PHTF2: variants seen among roughly 807,000 people sequenced by gnomAD.
The protein encoded by PHTF2 is putative homeodomain transcription factor 2, also known as protein PHTF2.
PHTF2 carries 60 observed loss-of-function variants against 101.2 expected under a neutral mutation model. The ratio of observed to expected loss-of-function variants is 0.59; its 90% CI spans 0.48 to 0.73. The LOEUF is 0.73. PHTF2 is among the 30% of genes least tolerant of loss of function. PHTF2 has a pLI of 0.00. For missense variants in PHTF2, 747 were observed against 908.7 expected (o/e 0.82, Z 2.29); for synonymous variants, 311 against 307.3 (o/e 1.01, Z -0.13).
intron 12 of PHTF2, 71 bp from the exon 12 acceptor site, chr7:77,937,639 C>T (rs990161599): frequency 3.8e-6 from 2 of 520,204 alleles, no homozygotes; most frequent in Admixed American, 8.5e-5. Context: ...GATATATATA[C>T]AACTTTATAT....
intron 12 of PHTF2, among the ~76,000 whole-genome samples, chr7:77,932,985 T>C (rs1804745732): frequency 6.6e-6 from 1 of 152,128 alleles, no homozygotes. Context: ...ACGCCTGTAA[T>C]CCCAGCACTT....
rs776039436 is a variant in PHTF2, at chr7:77,949,853, A to G, written c.2115+20A>G. 4.8e-6 allele frequency: 6 copies of G among 1,257,336 alleles called. No homozygotes were observed. The South Asian group carries it at 7.0e-5, about 15-fold the overall frequency. The allele number at this position is 1,257,336 out of a possible 1,614,324, so 77.9% of individuals were successfully genotyped here. ...GAACAGGTGAGTGTGCCTACTTATT[A>G]TGCTACAAATTAATGTCTATAAGTT... On this transcript the variant is annotated intron_variant, in intron 17 of 19. Transcript: ENST00000416283.
chr7:77,909,169 C>CTT (rs200836381), intron 8 of PHTF2: 3,224 of 317,002 alleles, frequency 0.01, 12 homozygotes, highest in South Asian at 0.012. Context: ...GTTTTTGTTT[C>CTT]TTTTTTTTTT....
At chr7:77,941,884 C>A (rs933682484) in intron 15 of PHTF2, among the ~76,000 whole-genome samples, 3 of 152,156 alleles carry the variant, frequency 2.0e-5, no homozygotes, top group African/African-American at 7.2e-5. Context: ...GGAGGTTCTT[C>A]ATTTCTCTTA....
intron 1 of PHTF2, among the ~76,000 whole-genome samples, chr7:77,827,630 G>C (rs1456068328): frequency 6.6e-6 from 1 of 152,088 alleles, no homozygotes; most frequent in Admixed American, 6.6e-5. Context: ...GGGATTACAG[G>C]TGTGAGCCAC....
At chr7:77,907,977 G>A (rs1419210232) in intron 7 of PHTF2, 1 of 152,044 alleles carries the variant, frequency 6.6e-6, no homozygotes, top group Admixed American at 6.5e-5. Flanking sequence ...TCTAGGTGGT[G>A]GCTAAGGTGG....
chr7:77,907,744 C>G (rs1211038632), intron 7 of PHTF2: 2 of 152,100 alleles, frequency 1.3e-5, no homozygotes, highest in Admixed American at 1.3e-4. Context: ...ACATTTTACC[C>G]CTGAATACAT....
At chr7:77,841,719 TATTA>T (rs1270065460) in intron 2 of PHTF2, among the ~76,000 whole-genome samples, 2 of 152,246 alleles carry the variant, frequency 1.3e-5, no homozygotes, top group East Asian at 1.9e-4. Context: ...ATTGATATAC[TATTA>T]ATTGTCTTTT....
chr7:77,946,127 T>A (rs1343089829), intron 16 of PHTF2, among the ~76,000 whole-genome samples: 1 of 152,170 alleles, frequency 6.6e-6, no homozygotes, highest in Non-Finnish European at 1.5e-5. Flanking sequence ...ACTATGATAG[T>A]TTGTGCCTGG....
chr7:77,844,526 T>C (rs1796123508), intron 2 of PHTF2, among the ~76,000 whole-genome samples: 1 of 152,216 alleles, frequency 6.6e-6, no homozygotes, highest in African/African-American at 2.4e-5. Context: ...AGTTATTCTT[T>C]TGTTTTGTTT....
chr7:77,936,456 C>T (rs370751509), intron 12 of PHTF2, among the ~76,000 whole-genome samples: 1 of 152,034 alleles, frequency 6.6e-6, no homozygotes, highest in African/African-American at 2.4e-5. Flanking sequence ...GTGGGCAGAT[C>T]ACAAGTTCAG....
chr7:77,910,843 A>G (rs543091404), intron 9 of PHTF2, among the ~76,000 whole-genome samples: 1 of 152,208 alleles, frequency 6.6e-6, no homozygotes, highest in South Asian at 2.1e-4. Flanking sequence ...GGGTTTTACC[A>G]TATTGGCCAG....
chr7:77,847,389 G>A (rs1562870189), intron 2 of PHTF2, among the ~76,000 whole-genome samples: 1 of 152,222 alleles, frequency 6.6e-6, no homozygotes, highest in Non-Finnish European at 1.5e-5. Context: ...AAAGAGCACT[G>A]TGTATAGCAT....
chr7:77,873,473 C>A (rs1282817273), intron 3 of PHTF2, among the ~76,000 whole-genome samples: 1 of 152,142 alleles, frequency 6.6e-6, no homozygotes, highest in African/African-American at 2.4e-5. Context: ...TCTCTAGGGG[C>A]CGGCTGGGAC....
At chr7:77,807,383 A>G (rs1294883998) in intron 1 of PHTF2, among the ~76,000 whole-genome samples, 1 of 150,424 alleles carries the variant, frequency 6.6e-6, no homozygotes, top group Non-Finnish European at 1.5e-5. Flanking sequence ...TTTTTTTTTT[A>G]TGATAGCCAT....
chr7:77,852,128 CA>C lies in PHTF2; in HGVS notation c.46-2603del, dbSNP rs546675719. 5.4e-3 allele frequency among the ~76,000 whole-genome samples: 820 copies of C among 152,284 alleles called. 7 individuals are homozygous for C. The highest frequency in any genetic ancestry group is 7.9e-3 in the Non-Finnish European group (537 of 68,022). On this transcript the variant is annotated intron_variant, in intron 2 of 19. Coordinates refer to ENST00000416283, the Ensembl canonical transcript of PHTF2. ...GCAGCCTTGAATTCCTGGGCTCAAG[CA>C]ATCCTCCTGCCTCAGCCTCTTGAGT...
chr7:77,914,604 T>A (rs567308102), intron 9 of PHTF2, among the ~76,000 whole-genome samples: 1 of 152,250 alleles, frequency 6.6e-6, no homozygotes, highest in South Asian at 2.1e-4. Flanking sequence ...AGACCAGAAT[T>A]AAATCTGAGA....
At chr7:77,949,925 G>T in intron 17 of PHTF2, 92 bp downstream of exon 16, 1 of 696,554 alleles carries the variant, frequency 1.4e-6, no homozygotes, top group Non-Finnish European at 2.2e-6. Flanking sequence ...TGTTCTATTT[G>T]ATTAAGGTCA....
chr7:77,879,398 A>G (rs540931540), intron 3 of PHTF2, among the ~76,000 whole-genome samples: 1 of 152,152 alleles, frequency 6.6e-6, no homozygotes, highest in South Asian at 2.1e-4. Flanking sequence ...AGGCCTAAAG[A>G]ACTCGTGATG....
Sources: allele counts gnomAD v4.1 joint callset (sites outside exome capture counted in the v4.1 genomes callset), GRCh38; gene constraint gnomAD v4.1.1; transcripts MANE v1.5; gene names NCBI Gene and HGNC (gene_info 2026-07-23, HGNC 2026-07-21).